The following CSMD3 variants were observed in gnomAD, a reference collection of about 807,000 sequenced individuals.
The protein encoded by CSMD3 is CUB and sushi domain-containing protein 3.
Under a neutral mutation model 435.2 loss-of-function variants are expected in CSMD3, and 177 were observed. The observed-to-expected ratio is 0.41, with a 90% CI of 0.36 to 0.46. CSMD3 has a LOEUF of 0.46. CSMD3 is among the 20% of genes least tolerant of loss of function. The pLI is 0.34. For synonymous variants in CSMD3, 1,656 were observed against 1,520.5 expected (o/e 1.09, Z -2.07); for missense variants, 4,265 against 4,504.6 (o/e 0.95, Z 1.52).
chr8:112,484,231 G>A (rs143007873), intron 31 of CSMD3, among the ~76,000 whole-genome samples: 1 of 152,130 alleles, frequency 6.6e-6, no homozygotes, highest in African/African-American at 2.4e-5. Context: ...TTTTCTAACT[G>A]AATTTTAGCA....
intron 9 of CSMD3, among the ~76,000 whole-genome samples, chr8:112,923,628 C>T (rs562388434): frequency 6.6e-6 from 1 of 152,214 alleles, no homozygotes; most frequent in African/African-American, 2.4e-5. Context: ...AACAGCTACG[C>T]CTATTCCATT....
chr8:113,216,872 T>G (rs916128864), intron 3 of CSMD3, among the ~76,000 whole-genome samples: 2 of 151,798 alleles, frequency 1.3e-5, no homozygotes, highest in Non-Finnish European at 2.9e-5. Flanking sequence ...GAAGGGGGTC[T>G]TGAGTGTTTG....
chr8:112,746,586 T>C (rs532529359), intron 13 of CSMD3, among the ~76,000 whole-genome samples: 4 of 152,290 alleles, frequency 2.6e-5, no homozygotes, highest in African/African-American at 9.6e-5. Flanking sequence ...ACTTGTCTGA[T>C]GTAATTAGTA....
chr8:112,622,388 G>T (rs1012895592), intron 22 of CSMD3, among the ~76,000 whole-genome samples: 3 of 152,070 alleles, frequency 2.0e-5, no homozygotes, highest in African/African-American at 7.2e-5. Context: ...AAATATAAGT[G>T]ACTGAAAGAT....
At chr8:112,517,689 C>A (rs974465192) in intron 27 of CSMD3, among the ~76,000 whole-genome samples, 1 of 152,028 alleles carries the variant, frequency 6.6e-6, no homozygotes, top group Non-Finnish European at 1.5e-5. Flanking sequence ...TAGAGAAATG[C>A]AAATTAAAAC....
intron 4 of CSMD3, among the ~76,000 whole-genome samples, chr8:113,112,899 C>T (rs558941480): frequency 6.6e-6 from 1 of 152,188 alleles, no homozygotes; most frequent in East Asian, 1.9e-4. Context: ...GGAGTACTGG[C>T]CTTTTAACAT....
chr8:112,265,796 GGCTCAGAAACT>G (rs2130420481), intron 59 of CSMD3, among the ~76,000 whole-genome samples: 1 of 152,176 alleles, frequency 6.6e-6, no homozygotes, highest in African/African-American at 2.4e-5. Context: ...CTACACATAT[GGCTCAGAAACT>G]GTCACTTAGC....
chr8:112,238,950 T>C (rs1813854037), intron 66 of CSMD3, among the ~76,000 whole-genome samples: 1 of 152,078 alleles, frequency 6.6e-6, no homozygotes, highest in African/African-American at 2.4e-5. Context: ...TGAGTCCTTG[T>C]AATGAACTTC....
Position 113,030,267 on chromosome 8 carries a change from GA to G in CSMD3, c.918-11089del, listed in dbSNP as rs574196007. Among the ~76,000 whole-genome samples, 481 of 145,708 alleles carry G rather than the reference GA, an allele frequency of 3.3e-3. 6 individuals carry two copies. The highest frequency in any genetic ancestry group is 0.011 in the African/African-American group (439 of 40,076). ...TCCAACATCATTCATTACAGAATTAGAAAAAAAAAATCTAAAATTCATATGG... is the reference window on the plus strand; with the variant it reads ...TCCAACATCATTCATTACAGAATTAGAAAAAAAAATCTAAAATTCATATGG... On this transcript the variant is annotated intron_variant, in intron 5 of 70. Coordinates refer to ENST00000297405, the MANE Select transcript of CSMD3 (RefSeq NM_198123.2).
chr8:112,338,491 T>A (rs1018856635), intron 42 of CSMD3, among the ~76,000 whole-genome samples: 1 of 152,172 alleles, frequency 6.6e-6, no homozygotes, highest in Non-Finnish European at 1.5e-5. Context: ...AATATCAATA[T>A]TTGGAACTTT....
intron 3 of CSMD3, among the ~76,000 whole-genome samples, chr8:113,244,815 T>C (rs1284849906): frequency 6.6e-6 from 1 of 152,174 alleles, no homozygotes; most frequent in Non-Finnish European, 1.5e-5. Context: ...AAGTCTAATT[T>C]GCTTATTATT....
intron 1 of CSMD3, among the ~76,000 whole-genome samples, chr8:113,346,121 C>T (rs781549272): frequency 6.6e-6 from 1 of 151,986 alleles, no homozygotes; most frequent in Non-Finnish European, 1.5e-5. Flanking sequence ...CATTTTTCTT[C>T]CACCTGGAAC....
At chr8:113,252,583 T>C (rs1480592399) in intron 3 of CSMD3, among the ~76,000 whole-genome samples, 1 of 152,064 alleles carries the variant, frequency 6.6e-6, no homozygotes, top group East Asian at 1.9e-4. Flanking sequence ...GAAACAACCT[T>C]TTTCATTTTT....
intron 4 of CSMD3, among the ~76,000 whole-genome samples, chr8:113,110,253 A>G (rs2090598882): frequency 1.3e-5 from 2 of 152,148 alleles, no homozygotes; most frequent in South Asian, 4.1e-4. Flanking sequence ...AATTTTCTAA[A>G]TCCTTAAGTT....
intron 30 of CSMD3, among the ~76,000 whole-genome samples, chr8:112,498,318 C>CT (rs1213687350): frequency 1.3e-5 from 2 of 152,022 alleles, no homozygotes; most frequent in Admixed American, 6.5e-5. Context: ...TAAACAACAT[C>CT]TCTTTTTAAA....
In CSMD3 at chr8:113,318,786, A is replaced by ATGTGTGTGTGTGTGTGTGTG. The variant is rs56269027; in HGVS notation, c.179-4013_179-3994dup. 6.9e-3 allele frequency among the ~76,000 whole-genome samples: 973 copies of ATGTGTGTGTGTGTGTGTGTG among 140,106 alleles called. 12 individuals are homozygous for ATGTGTGTGTGTGTGTGTGTG. Among genetic ancestry groups the ATGTGTGTGTGTGTGTGTGTG allele is most frequent in the African/African-American group, 0.018 (692 of 37,410 alleles). 91.9% of individuals were successfully genotyped at this position (140,106 alleles called of 152,430 possible). On this transcript the variant is annotated intron_variant, in intron 1 of 70. Transcript: ENST00000297405. ...ATTTCCTCTTTTAAGGCTGAATAAG[A>ATGTGTGTGTGTGTGTGTGTG]TGTGTGTGTGTGTGTGTGTGTGTGT...
At chr8:113,036,064 C>T (rs946007299) in intron 5 of CSMD3, among the ~76,000 whole-genome samples, 2 of 151,788 alleles carry the variant, frequency 1.3e-5, no homozygotes, top group Non-Finnish European at 2.9e-5. Context: ...AAAAGAAAAA[C>T]TAATTATAAA....
At chr8:112,498,161 A>T in intron 30 of CSMD3, among the ~76,000 whole-genome samples, 1 of 152,188 alleles carries the variant, frequency 6.6e-6, no homozygotes, top group South Asian at 2.1e-4. Flanking sequence ...TTCGATTTTC[A>T]ATTTTTTGCT....
intron 35 of CSMD3, among the ~76,000 whole-genome samples, chr8:112,394,289 C>A (rs2129797931): frequency 6.6e-6 from 1 of 152,236 alleles, no homozygotes; most frequent in African/African-American, 2.4e-5. Flanking sequence ...TGACCATAAT[C>A]TTCCTATCCA....
Sources: allele counts gnomAD v4.1 joint callset (sites outside exome capture counted in the v4.1 genomes callset), GRCh38; gene constraint gnomAD v4.1.1; transcripts MANE v1.5; gene names NCBI Gene and HGNC (gene_info 2026-07-23, HGNC 2026-07-21).